PLD1: variants seen among roughly 807,000 people sequenced by gnomAD.
PLD1 encodes choline phosphatase 1.
In PLD1, 112 loss-of-function variants were observed where a neutral mutation model predicts 137.1. That is an observed-to-expected ratio of 0.82 (90% CI 0.70 to 0.96). PLD1 has a LOEUF of 0.96. Ranked by LOEUF, PLD1 falls within the 40% of genes least tolerant of loss-of-function variation. PLD1 has a pLI of 0.00. For synonymous variants in PLD1, 431 were observed against 454.7 expected (o/e 0.95, Z 0.66); for missense variants, 1,321 against 1,342.0 (o/e 0.98, Z 0.24).
chr3:171,744,580 C>T (rs1338194302), intron 1 of PLD1, among the ~76,000 whole-genome samples: 1 of 152,220 alleles, frequency 6.6e-6, no homozygotes, highest in East Asian at 1.9e-4. Context: ...GCTTTTATCC[C>T]TGAGATATAC....
chr3:171,653,278 G>A (rs958319251), intron 21 of PLD1: 10 of 152,234 alleles, frequency 6.6e-5, no homozygotes, highest in Admixed American at 6.5e-5. Context: ...ATCAATTGCT[G>A]ATTTCAATTA....
intron 12 of PLD1, 152 bp downstream of exon 12, chr3:171,699,593 G>T (rs1578307453): frequency 1.6e-6 from 1 of 642,504 alleles, no homozygotes; most frequent in Non-Finnish European, 2.8e-6. Flanking sequence ...GAATAAAATA[G>T]AACCAAATGA....
chr3:171,789,605 C>T (rs1342183419), intron 1 of PLD1: 4 of 152,212 alleles, frequency 2.6e-5, no homozygotes, highest in African/African-American at 9.7e-5. Flanking sequence ...ACTTGGACAT[C>T]TTTCCATTCA....
At chr3:171,692,193 T>A (rs1715231622) in intron 13 of PLD1, 139 bp downstream of exon 13, 4 of 540,688 alleles carry the variant, frequency 7.4e-6, no homozygotes, top group Non-Finnish European at 1.3e-5. Flanking sequence ...TATTTTGCTT[T>A]ATTTCTGAGG....
intron 19 of PLD1, among the ~76,000 whole-genome samples, chr3:171,667,600 AC>A (rs2108452712): frequency 6.6e-6 from 1 of 152,328 alleles, no homozygotes; most frequent in Non-Finnish European, 1.5e-5. Context: ...GGCTGTGGCA[AC>A]AGAAGGTGAT....
At chr3:171,785,595 C>G (rs985734446) in intron 1 of PLD1, among the ~76,000 whole-genome samples, 1 of 152,118 alleles carries the variant, frequency 6.6e-6, no homozygotes, top group Non-Finnish European at 1.5e-5. Context: ...CGTGCCACCA[C>G]GGCAAGCTAA....
intron 1 of PLD1, among the ~76,000 whole-genome samples, chr3:171,779,564 T>C (rs1050744590): frequency 2.6e-5 from 4 of 152,334 alleles, no homozygotes. Context: ...AAGTAGGACG[T>C]TGGATACCTA....
In PLD1 at chr3:171,612,185, C is replaced by G. The variant is rs557012967; in HGVS notation, c.2882+94G>C. The G allele has an allele frequency of 1.8e-6, 2 of 1,107,510 alleles. No homozygotes were observed. Among genetic ancestry groups the G allele is most frequent in the South Asian group, 1.5e-5 (1 of 67,676 alleles). The allele number at this position is 1,107,510 out of a possible 1,614,324, so 68.6% of individuals were successfully genotyped here. A position where few individuals can be genotyped will look rare whatever the true frequency, so the allele number is the denominator to read the frequency against. ...CACACTGTTTTAGATGAAGAAGAAC[C>G]TAGGATGACCCATGTGCTCAGGGCT... On this transcript the variant is annotated intron_variant, in intron 25 of 26. Coordinates refer to ENST00000351298, the MANE Select transcript of PLD1 (RefSeq NM_002662.5). This position sits in a 1 kb window ranked among gnomAD's most constrained non-coding sequence, Gnocchi z 4.1.
chr3:171,724,090 A>G (rs1036306762), intron 8 of PLD1, among the ~76,000 whole-genome samples: 1 of 152,244 alleles, frequency 6.6e-6, no homozygotes, highest in Non-Finnish European at 1.5e-5. Flanking sequence ...TAATACTGCT[A>G]TTATAATACT....
At chr3:171,795,329 G>A (rs1723390092) in intron 1 of PLD1, among the ~76,000 whole-genome samples, 1 of 151,952 alleles carries the variant, frequency 6.6e-6, no homozygotes, top group Admixed American at 6.5e-5. Context: ...CAAGAAACAT[G>A]GATAAAAGCT....
chr3:171,693,639 C>G (rs1715414728), intron 12 of PLD1, among the ~76,000 whole-genome samples: 1 of 152,018 alleles, frequency 6.6e-6, no homozygotes, highest in Non-Finnish European at 1.5e-5. Flanking sequence ...CCCAGCAGCT[C>G]TGAAAGCATT....
intron 21 of PLD1, among the ~76,000 whole-genome samples, chr3:171,656,921 G>C (rs1737252447): frequency 6.6e-6 from 1 of 152,200 alleles, no homozygotes; most frequent in Non-Finnish European, 1.5e-5. Context: ...TGCATCCAAT[G>C]GCTGGTCAAT....
At chr3:171,715,603 GT>G (rs932364736) in intron 8 of PLD1, among the ~76,000 whole-genome samples, 7 of 149,972 alleles carry the variant, frequency 4.7e-5, no homozygotes, top group Admixed American at 2.0e-4. Flanking sequence ...ATCCTCTTCA[GT>G]TTTTTTTTCA....
chr3:171,774,611 C>G (rs1170040976), intron 1 of PLD1, among the ~76,000 whole-genome samples: 2 of 152,156 alleles, frequency 1.3e-5, no homozygotes, highest in Non-Finnish European at 2.9e-5. Flanking sequence ...TTTAGACATT[C>G]CAGGTAAAGG....
At chr3:171,635,965 CTTT>C (rs71178231) in intron 23 of PLD1, among the ~76,000 whole-genome samples, 34 of 49,274 alleles carry the variant, frequency 6.9e-4, no homozygotes, top group East Asian at 4.7e-3. Flanking sequence ...GGTTCAACTT[CTTT>C]TTTTTTTTTT....
At chr3:171,783,170 G>C (rs1258532737) in intron 1 of PLD1, among the ~76,000 whole-genome samples, 6 of 152,118 alleles carry the variant, frequency 3.9e-5, no homozygotes, top group African/African-American at 1.4e-4. Flanking sequence ...GGGAGAGTGA[G>C]TTTACTAGGG....
chr3:171,750,253 G>C lies in PLD1; in HGVS notation c.-31-12171C>G, dbSNP rs754388858. On this transcript the variant is annotated intron_variant, in intron 1 of 26. Coordinates refer to ENST00000351298, the MANE Select transcript of PLD1 (RefSeq NM_002662.5). ...ACCAGAGAAAAGAAAAAATTTGCAG[G>C]ATGGGCTTAACAGCAGAATAGCAAT... 6.2e-4 allele frequency among the ~76,000 whole-genome samples: 94 copies of C among 152,258 alleles called. No homozygotes were observed. The Middle Eastern group carries it at 0.014, about 22-fold the overall frequency.
chr3:171,766,500 T>C (rs1721983774), intron 1 of PLD1, among the ~76,000 whole-genome samples: 1 of 152,178 alleles, frequency 6.6e-6, no homozygotes, highest in South Asian at 2.1e-4. Context: ...TTCAGATGTG[T>C]GATGGAGAGA....
chr3:171,673,330 G>A (rs1712982383), intron 19 of PLD1, among the ~76,000 whole-genome samples: 1 of 151,602 alleles, frequency 6.6e-6, no homozygotes, highest in African/African-American at 2.4e-5. Context: ...CACCCAGGCT[G>A]GACTGCAGTG....
Sources: allele counts gnomAD v4.1 joint callset (sites outside exome capture counted in the v4.1 genomes callset), GRCh38; gene constraint gnomAD v4.1.1; non-coding constraint Gnocchi (gnomAD v3.1); transcripts MANE v1.5; gene names NCBI Gene and HGNC (gene_info 2026-07-23, HGNC 2026-07-21).